The following GLYATL2 variants were observed in gnomAD, a reference collection of about 807,000 sequenced individuals.
The protein encoded by GLYATL2 is glycine N-acyltransferase-like protein 2.
GLYATL2 carries 25 observed loss-of-function variants against 21.4 expected under a neutral mutation model. That is an observed-to-expected ratio of 1.17 (90% confidence interval 0.85 to 1.63). The LOEUF (loss-of-function observed/expected upper bound fraction) is 1.63, where lower values mean the gene tolerates loss of function less well. GLYATL2 is among the 40% of genes most tolerant of loss of function. GLYATL2 has a pLI of 0.00. For synonymous variants in GLYATL2, 114 were observed against 118.2 expected (o/e 0.96, Z 0.23); for missense variants, 361 against 343.3 (o/e 1.05, Z -0.41).
intron 1 of GLYATL2, among the ~76,000 whole-genome samples, chr11:58,874,997 G>A (rs1854200345): frequency 6.6e-6 from 1 of 152,154 alleles, no homozygotes; most frequent in South Asian, 2.1e-4. Flanking sequence ...TATATATTTA[G>A]GATAGTTAGT....
At chr11:58,882,293 TC>T (rs1854352635) in intron 1 of GLYATL2, among the ~76,000 whole-genome samples, 2 of 152,236 alleles carry the variant, frequency 1.3e-5, no homozygotes, top group East Asian at 3.8e-4. Flanking sequence ...TGAGATGGTA[TC>T]TCGTTGTGGT....
chr11:58,837,141 A>G lies in GLYATL2; in HGVS notation c.350T>C (p.Val117Ala), dbSNP rs375132339. The change falls in exon 5 of 6, where the codon GTT (valine) becomes GCT (alanine). Residue 117 changes from valine (V) to alanine (A), a missense_variant. Coordinates refer to ENST00000287275, the MANE Select transcript of GLYATL2 (RefSeq NM_145016.4). ...QEGLDEAIRK[V>A]ATSKSVQVDY... ...TACCTGCACTGATTTTGAAGTTGCA[A>G]CCTTTCTTATTGCTTCATCCAAGCC... 1.9e-6 allele frequency: 3 copies of G among 1,613,854 alleles called. No individual in the cohort carries two copies. Among genetic ancestry groups the G allele is most frequent in the Admixed American group, 1.7e-5 (1 of 59,996 alleles).
chr11:58,906,441 TG>T (rs1226396480), upstream of GLYATL2, among the ~76,000 whole-genome samples: 1 of 152,170 alleles, frequency 6.6e-6, no homozygotes, highest in African/African-American at 2.4e-5. Context: ...GATCAGGGAA[TG>T]GAACAGGAGA....
intron 1 of GLYATL2, among the ~76,000 whole-genome samples, chr11:58,858,759 C>A (rs1853877878): frequency 6.6e-6 from 1 of 152,192 alleles, no homozygotes; most frequent in South Asian, 2.1e-4. Context: ...CTAATGTGAA[C>A]TTCCGTGTCC....
intron 1 of GLYATL2, among the ~76,000 whole-genome samples, chr11:58,843,685 A>T (rs1329934167): frequency 6.6e-6 from 1 of 152,074 alleles, no homozygotes; most frequent in African/African-American, 2.4e-5. Flanking sequence ...GGAAGAAAGT[A>T]CTTGATGAAG....
intron 1 of GLYATL2, among the ~76,000 whole-genome samples, chr11:58,854,867 G>C (rs142514323): frequency 2.1e-3 from 327 of 152,282 alleles, no homozygotes; most frequent in Admixed American, 3.0e-3. Context: ...TCTATTTTAA[G>C]AGGTCACTTT....
rs5792135 is a variant in GLYATL2, at chr11:58,894,476, C to CCAAAAAAAAAAAA, written n.60+9679_60+9680insTTTTTTTTTTTTG. ...ATTACTGTGAACATTGCAGCTATAG[C>CCAAAAAAAAAAAA]AAAAAAAAAAAAAAAAAGCATTTTC... is the stretch of plus-strand genomic sequence containing the variant. On this transcript the variant is annotated intron_variant and non_coding_transcript_variant, in intron 1 of 4. Transcript: ENST00000533636. Among the ~76,000 whole-genome samples the CCAAAAAAAAAAAA allele has an allele frequency of 2.6e-5, 3 of 116,548 alleles. 1 individual carries two copies. The highest frequency in any genetic ancestry group is 9.7e-5 in the African/African-American group (3 of 31,056). The allele number at this position is 116,548 out of a possible 152,430, so 76.5% of individuals were successfully genotyped here.
intron 1 of GLYATL2, among the ~76,000 whole-genome samples, chr11:58,861,646 A>G (rs897459624): frequency 3.3e-5 from 5 of 151,730 alleles, no homozygotes; most frequent in African/African-American, 1.2e-4. Context: ...GTGAAGTGTA[A>G]CATTTGGTTG....
chr11:58,883,357 T>C (rs888427225), intron 1 of GLYATL2, among the ~76,000 whole-genome samples: 1 of 152,078 alleles, frequency 6.6e-6, no homozygotes, highest in Admixed American at 6.5e-5. Context: ...AAGAATCAAA[T>C]AGATGCAATA....
At chr11:58,878,307 C>T (rs184899967) in intron 1 of GLYATL2, 241 of 517,030 alleles carry the variant, frequency 4.7e-4, no homozygotes, top group African/African-American at 4.5e-3. Flanking sequence ...TCCCCAGGAG[C>T]GCTAAGTGAA....
intron 1 of GLYATL2, among the ~76,000 whole-genome samples, chr11:58,901,052 G>C (rs1167346235): frequency 1.3e-5 from 2 of 152,116 alleles, no homozygotes; most frequent in Non-Finnish European, 2.9e-5. Flanking sequence ...CAAATCCAGG[G>C]CTGAGTGAGG....
At chr11:58,846,435 C>T (rs1262895952), upstream of GLYATL2, among the ~76,000 whole-genome samples, 2 of 152,134 alleles carry the variant, frequency 1.3e-5, no homozygotes, top group Non-Finnish European at 2.9e-5. Context: ...ACTGAAGAGA[C>T]AGTAAAAAAC....
chr11:58,853,128 G>T (rs576992542), intron 1 of GLYATL2, among the ~76,000 whole-genome samples: 1 of 152,038 alleles, frequency 6.6e-6, no homozygotes, highest in African/African-American at 2.4e-5. Context: ...TCTAAGTAAC[G>T]TTTCCTTTAT....
chr11:58,839,574 C>T lies in GLYATL2; in HGVS notation c.39G>A (p.Leu13=). ...GGATGCTCTTTTCTAAGGATTTATACAGAATCTGCAGCTTCTGAGAGTTAT... is the reference window on the plus strand; with the variant it reads ...GGATGCTCTTTTCTAAGGATTTATATAGAATCTGCAGCTTCTGAGAGTTAT... ...VLHNSQKLQI[L]YKSLEKSIPE... is the part of the protein sequence containing the mutation. The change falls in exon 2 of 6, where the codon CTG becomes CTA. Residue 13 remains leucine, a synonymous_variant. Coordinates refer to ENST00000287275, the MANE Select transcript of GLYATL2 (RefSeq NM_145016.4). The T allele has an allele frequency of 6.2e-7, 1 of 1,611,748 alleles. No individual in the cohort carries two copies. Among genetic ancestry groups the T allele is most frequent in the Non-Finnish European group, 8.5e-7 (1 of 1,178,464 alleles).
chr11:58,898,980 T>A (rs1290652296), intron 1 of GLYATL2, among the ~76,000 whole-genome samples: 1 of 152,198 alleles, frequency 6.6e-6, no homozygotes, highest in East Asian at 1.9e-4. Flanking sequence ...TACGCAAATA[T>A]TTTTTCTTTT....
At chr11:58,860,249 AG>A (rs1264780289) in intron 1 of GLYATL2, among the ~76,000 whole-genome samples, 6 of 152,136 alleles carry the variant, frequency 3.9e-5, no homozygotes, top group Non-Finnish European at 8.8e-5. Flanking sequence ...TCTGTAAATA[AG>A]GAATATTTTT....
At chr11:58,868,309 G>T (rs1169334710) in intron 1 of GLYATL2, among the ~76,000 whole-genome samples, 1 of 148,570 alleles carries the variant, frequency 6.7e-6, no homozygotes, top group South Asian at 2.2e-4. Context: ...GGAGCCATAG[G>T]TACCTCAAAA....
upstream of GLYATL2, among the ~76,000 whole-genome samples, chr11:58,908,956 C>G (rs1166093903): frequency 6.6e-6 from 1 of 152,144 alleles, no homozygotes; most frequent in Non-Finnish European, 1.5e-5. Flanking sequence ...GAAACTGAAG[C>G]TCAGCTTCCT....
the GLYATL2 span, among the ~76,000 whole-genome samples, chr11:58,909,490 C>T: frequency 2.6e-5 from 4 of 152,150 alleles, no homozygotes; most frequent in Non-Finnish European, 4.4e-5. Context: ...TCTCCACACT[C>T]ATCAAGTTGC....
Sources: gnomAD v4.1 joint callset for allele counts (sites outside exome capture counted in the v4.1 genomes callset) on GRCh38, gnomAD v4.1.1 for gene constraint, MANE v1.5 for transcripts, NCBI Gene and HGNC (gene_info 2026-07-23, HGNC 2026-07-21) for gene names.